The following NALF1 variants were observed in gnomAD, a reference collection of about 807,000 sequenced individuals.
NALF1 encodes NALCN channel auxiliary factor 1.
Under a neutral mutation model 48.4 loss-of-function variants are expected in NALF1, and 3 were observed. The ratio of observed to expected loss-of-function variants is 0.06; its 90% confidence interval spans 0.03 to 0.16. NALF1 has a LOEUF of 0.16. Ranked by LOEUF, NALF1 falls within the 10% of genes least tolerant of loss-of-function variation. NALF1 has a pLI of 1.00. For missense variants in NALF1, 526 were observed against 571.5 expected, an observed-to-expected ratio of 0.92 and a Z score of 0.81; for synonymous variants, 262 against 245.7, an observed-to-expected ratio of 1.07 and a Z score of -0.62.
At chr13:107,829,038 C>G (rs1002354991) in intron 1 of NALF1, among the ~76,000 whole-genome samples, 1 of 152,246 alleles carries the variant, frequency 6.6e-6, no homozygotes, top group Non-Finnish European at 1.5e-5. Context: ...CAAAAATAGC[C>G]TATCATGAAC....
chr13:107,712,740 G>T (rs1358426824), intron 1 of NALF1, among the ~76,000 whole-genome samples: 1 of 152,226 alleles, frequency 6.6e-6, no homozygotes, highest in Non-Finnish European at 1.5e-5. Context: ...CACGCAGTGT[G>T]AAAGGCGTGT....
intron 1 of NALF1, among the ~76,000 whole-genome samples, chr13:107,548,071 C>T (rs1877181853): frequency 6.6e-6 from 1 of 151,892 alleles, no homozygotes; most frequent in African/African-American, 2.4e-5. Flanking sequence ...ATTTCATCAC[C>T]CAGGTATGAA....
intron 1 of NALF1, among the ~76,000 whole-genome samples, chr13:107,756,574 C>T (rs963450528): frequency 4.0e-5 from 6 of 151,848 alleles, no homozygotes; most frequent in East Asian, 1.9e-4. Context: ...CGTATTGTTA[C>T]GACTGTCATT....
At chr13:107,827,236 A>C (rs1305672670) in intron 1 of NALF1, among the ~76,000 whole-genome samples, 1 of 152,162 alleles carries the variant, frequency 6.6e-6, no homozygotes, top group East Asian at 1.9e-4. Flanking sequence ...GTGTCTGTTA[A>C]ACATTAAGGC....
At position 107,425,173 on chromosome 13, in the gene NALF1, G is replaced by A. The variant is rs935473225; in HGVS notation, c.916-214418C>T. Among the ~76,000 whole-genome samples the A allele has an allele frequency of 7.2e-5, 11 of 152,246 alleles. 1 individual carries two copies. Among genetic ancestry groups the A allele is most frequent in the Admixed American group, 6.5e-5 (1 of 15,280 alleles). On this transcript the variant is annotated intron_variant, in intron 1 of 2. Coordinates refer to ENST00000375915, the MANE Select transcript of NALF1 (RefSeq NM_001080396.3). ...AATTTTGAGAAAAGAATCCTCCCTC[G>A]CCAAAGGTGAAGTTTGGAGCTATGG... is the stretch of plus-strand genomic sequence containing the variant.
At chr13:107,620,440 G>T (rs1475277310) in intron 1 of NALF1, among the ~76,000 whole-genome samples, 1 of 152,178 alleles carries the variant, frequency 6.6e-6, no homozygotes, top group Non-Finnish European at 1.5e-5. Context: ...AAAAGGCTTT[G>T]CAATTCTATA....
At chr13:107,572,294 C>G (rs766957502) in intron 1 of NALF1, among the ~76,000 whole-genome samples, 7 of 151,900 alleles carry the variant, frequency 4.6e-5, no homozygotes, top group African/African-American at 9.7e-5. Context: ...AATGAACGAC[C>G]CTGGGAGGCA....
At chr13:107,734,276 T>C (rs1455969042) in intron 1 of NALF1, among the ~76,000 whole-genome samples, 1 of 152,092 alleles carries the variant, frequency 6.6e-6, no homozygotes, top group Non-Finnish European at 1.5e-5. Flanking sequence ...ATTATGCACC[T>C]CATGCGGTGG....
At chr13:107,187,414 TCAC>T (rs200683352) in intron 2 of NALF1, among the ~76,000 whole-genome samples, 2,466 of 152,270 alleles carry the variant, frequency 0.016, 25 homozygotes, top group South Asian at 0.042. Flanking sequence ...TCTTCTCTCA[TCAC>T]CTTTAATTGT....
intron 2 of NALF1, among the ~76,000 whole-genome samples, chr13:107,173,295 C>T (rs1483342025): frequency 5.9e-5 from 9 of 152,158 alleles, no homozygotes; most frequent in Non-Finnish European, 1.0e-4. Flanking sequence ...CCCCCAAACC[C>T]TCACCCATTC....
chr13:107,648,783 T>C (rs1880375672), intron 1 of NALF1, among the ~76,000 whole-genome samples: 1 of 152,148 alleles, frequency 6.6e-6, no homozygotes. Flanking sequence ...AGCTGAACCA[T>C]TTTGCATTCT....
chr13:107,298,351 C>CAAAAAAAAAAAAA (rs1192707023), intron 1 of NALF1, among the ~76,000 whole-genome samples: 11 of 16,626 alleles, frequency 6.6e-4, no homozygotes, highest in Non-Finnish European at 8.6e-4. Flanking sequence ...GACTCCATCT[C>CAAAAAAAAAAAAA]AAAAAAAAAA....
intron 1 of NALF1, among the ~76,000 whole-genome samples, chr13:107,568,582 T>A (rs992363838): frequency 6.6e-6 from 1 of 152,236 alleles, no homozygotes; most frequent in South Asian, 2.1e-4. Context: ...ATATGAGAGA[T>A]CCATTTTTTA....
At chr13:107,632,536 CCT>C (rs1879861654) in intron 1 of NALF1, among the ~76,000 whole-genome samples, 2 of 152,018 alleles carry the variant, frequency 1.3e-5, no homozygotes, top group African/African-American at 4.8e-5. Flanking sequence ...AACTACTGAT[CCT>C]CTCTTACTTT....
intron 1 of NALF1, among the ~76,000 whole-genome samples, chr13:107,459,469 C>A (rs543799783): frequency 7.9e-5 from 12 of 151,794 alleles, no homozygotes; most frequent in Non-Finnish European, 1.8e-4. Context: ...CACAATAGAG[C>A]CAAAGACTGA....
intron 1 of NALF1, among the ~76,000 whole-genome samples, chr13:107,605,428 C>T (rs1879038284): frequency 6.6e-6 from 1 of 152,136 alleles, no homozygotes; most frequent in Admixed American, 6.5e-5. Flanking sequence ...CGGGACTTGG[C>T]TTTGCAGATT....
At chr13:107,442,465 T>C (rs1156445827) in intron 1 of NALF1, among the ~76,000 whole-genome samples, 3 of 152,168 alleles carry the variant, frequency 2.0e-5, no homozygotes, top group Non-Finnish European at 4.4e-5. Flanking sequence ...CCTGGGAGTA[T>C]CTTTCAATTT....
chr13:107,234,341 C>A (rs900813814), intron 1 of NALF1, among the ~76,000 whole-genome samples: 6 of 152,198 alleles, frequency 3.9e-5, no homozygotes, highest in African/African-American at 1.2e-4. Flanking sequence ...GCCTGCTTTC[C>A]CCAGGCACAA....
chr13:107,223,086 T>C (rs571315041), intron 1 of NALF1, among the ~76,000 whole-genome samples: 2 of 152,238 alleles, frequency 1.3e-5, no homozygotes, highest in Non-Finnish European at 2.9e-5. Flanking sequence ...TAAGCTGTAA[T>C]GATGCTGAAT....
Sources: allele counts gnomAD v4.1 joint callset (sites outside exome capture counted in the v4.1 genomes callset), GRCh38; gene constraint gnomAD v4.1.1; transcripts MANE v1.5; gene names NCBI Gene and HGNC (gene_info 2026-07-23, HGNC 2026-07-21).